Variants in CNTN4 observed in about 807,000 individuals in gnomAD.
CNTN4 encodes the protein contactin 4.
In CNTN4, 77 loss-of-function variants were observed where a neutral mutation model predicts 122.5. The observed-to-expected ratio is 0.63, with a 90% CI of 0.52 to 0.76. The LOEUF is 0.76. Among genes scored for constraint, CNTN4 ranks in the 30% least tolerant of loss-of-function variants. The pLI is 0.00. For missense variants in CNTN4, 1,256 were observed against 1,259.1 expected (o/e 1.00, Z 0.04); for synonymous variants, 512 against 447.0 (o/e 1.15, Z -1.83).
intron 4 of CNTN4, among the ~76,000 whole-genome samples, chr3:2,689,091 C>G (rs1043834918): frequency 6.6e-6 from 1 of 152,194 alleles, no homozygotes; most frequent in African/African-American, 2.4e-5. Flanking sequence ...TGTGAAACAT[C>G]ACTTCCTGAT....
chr3:2,258,948 C>G (rs2040711553), intron 2 of CNTN4, among the ~76,000 whole-genome samples: 1 of 152,080 alleles, frequency 6.6e-6, no homozygotes, highest in African/African-American at 2.4e-5. Context: ...TTACATTATT[C>G]TTTTTCATTT....
At chr3:2,923,991 C>A (rs1347593384) in intron 12 of CNTN4, among the ~76,000 whole-genome samples, 3 of 151,980 alleles carry the variant, frequency 2.0e-5, no homozygotes, top group African/African-American at 7.3e-5. Context: ...TTATTAATTG[C>A]ACTTATTATC....
chr3:2,348,585 C>G (rs1297108121), intron 3 of CNTN4, among the ~76,000 whole-genome samples: 1 of 152,100 alleles, frequency 6.6e-6, no homozygotes, highest in East Asian at 1.9e-4. Context: ...ATTTCCTTTC[C>G]TTAAACTTGA....
At chr3:2,379,126 A>G (rs746013387) in intron 3 of CNTN4, among the ~76,000 whole-genome samples, 6 of 152,216 alleles carry the variant, frequency 3.9e-5, no homozygotes, top group Non-Finnish European at 8.8e-5. Context: ...ATGGAATAAC[A>G]ACACAAGCAG....
chr3:2,842,240 A>G lies in CNTN4; in HGVS notation c.454+22659A>G, dbSNP rs553270126. Among the ~76,000 whole-genome samples, 8 of 152,328 alleles carry G rather than the reference A, an allele frequency of 5.3e-5. No individual in the cohort carries two copies. The South Asian group carries it at 8.3e-4, about 16-fold the overall frequency. On this transcript the variant is annotated intron_variant, in intron 7 of 24. Coordinates refer to ENST00000418658, the MANE Select transcript of CNTN4 (RefSeq NM_175607.3). ...AGAGAACCTTGAAACAGATGCTGCA[A>G]TAATCCAAGTAAGAGATATTGGTGT...
rs535206102 is a variant in CNTN4 at position 2,148,394 on chromosome 3, C to T, written c.-145+47755C>T. On this transcript the variant is annotated intron_variant, in intron 2 of 24. Transcript: ENST00000418658. ...ACAGAAAATAAAAAAAAAAAATTAG[C>T]CTTGGTGGTGTGTGCCTGTAGTCCC... 2.0e-5 allele frequency among the ~76,000 whole-genome samples: 3 copies of T among 151,720 alleles called. No homozygotes were observed. The South Asian group carries it at 6.3e-4, about 32-fold the overall frequency.
rs1226406768 is a variant in CNTN4 at position 3,026,242 on chromosome 3, G to C, written c.1627G>C (p.Asp543His). ...ATTTAATGGACACCTGATAGACTTT[G>C]ACAGAGATGGGGACCACTTTGAAAG... The part of the protein sequence containing the change: ...WSFNGHLIDF[D>H]RDGDHFERVG... Residue 543 changes from aspartate to histidine, a missense_variant, in exon 15 of 25, where the codon GAC (aspartate) becomes CAC (histidine). Coordinates refer to ENST00000418658, the MANE Select transcript of CNTN4 (RefSeq NM_175607.3). 2.2e-5 allele frequency: 36 copies of C among 1,613,392 alleles called. No individual in the cohort carries two copies. Among genetic ancestry groups the C allele is most frequent in the Non-Finnish European group, 2.9e-5 (34 of 1,179,556 alleles).
chr3:2,919,189 C>CA (rs72363068), intron 12 of CNTN4, among the ~76,000 whole-genome samples: 53,248 of 137,832 alleles, frequency 0.39, 10,141 homozygotes, highest in East Asian at 0.64. Flanking sequence ...ACTAAAAATA[C>CA]AAAAAAAAAA....
intron 2 of CNTN4, among the ~76,000 whole-genome samples, chr3:2,142,426 A>G (rs1365641513): frequency 1.3e-5 from 2 of 150,856 alleles, no homozygotes; most frequent in Non-Finnish European, 2.9e-5. Flanking sequence ...GTGCAATGGC[A>G]TGATCTCAGC....
chr3:2,843,663 C>T (rs2093404201), intron 7 of CNTN4, among the ~76,000 whole-genome samples: 1 of 152,168 alleles, frequency 6.6e-6, no homozygotes, highest in Non-Finnish European at 1.5e-5. Context: ...CCCCCCATCT[C>T]TTGCTCCTGC....
intron 14 of CNTN4, among the ~76,000 whole-genome samples, chr3:3,003,806 G>A (rs1696323603): frequency 1.3e-5 from 2 of 151,144 alleles, no homozygotes; most frequent in South Asian, 4.2e-4. Context: ...CTGGAGTGCA[G>A]TAGCATGATC....
At chr3:3,041,039 T>A (rs1282341658) in intron 20 of CNTN4, 1 of 152,296 alleles carries the variant, frequency 6.6e-6, no homozygotes, top group South Asian at 2.1e-4. Flanking sequence ...CACACATTAT[T>A]ATCACCTCCA....
At chr3:2,941,203 C>T (rs1216177740) in intron 13 of CNTN4, among the ~76,000 whole-genome samples, 3 of 152,146 alleles carry the variant, frequency 2.0e-5, no homozygotes, top group East Asian at 3.9e-4. Flanking sequence ...CAGACTCTCC[C>T]TTTTCTTACT....
chr3:2,480,725 G>A (rs1425433924), intron 3 of CNTN4, among the ~76,000 whole-genome samples: 4 of 152,176 alleles, frequency 2.6e-5, no homozygotes, highest in African/African-American at 7.2e-5. Flanking sequence ...CAAAATCCCA[G>A]AAAGGTATTT....
At chr3:2,889,981 C>G (rs970380858) in intron 10 of CNTN4, among the ~76,000 whole-genome samples, 2 of 152,156 alleles carry the variant, frequency 1.3e-5, no homozygotes, top group African/African-American at 4.8e-5. Flanking sequence ...AACAATGTTT[C>G]CTTTTTAAAT....
chr3:3,022,727 A>AT lies in CNTN4; in HGVS notation c.1487-3365dup, dbSNP rs537003256. 9.3e-5 allele frequency among the ~76,000 whole-genome samples: 14 copies of AT among 150,862 alleles called. No homozygotes were observed. The South Asian group carries it at 1.1e-3, about 11-fold the overall frequency. On this transcript the variant is annotated intron_variant, in intron 14 of 24. Coordinates refer to ENST00000418658, the MANE Select transcript of CNTN4 (RefSeq NM_175607.3). ...AGAAAACACTGTAGAAAGTAAAAGA[A>AT]TTTTTTTTTTAACTCTAGGAGAATT...
intron 3 of CNTN4, among the ~76,000 whole-genome samples, chr3:2,545,905 T>A (rs9835354): frequency 0.64 from 97,253 of 151,838 alleles, 31,566 homozygotes; most frequent in East Asian, 0.78. Context: ...GCTAACAACC[T>A]TATGAAAAAA....
intron 4 of CNTN4, among the ~76,000 whole-genome samples, chr3:2,638,795 C>T (rs1277645621): frequency 6.6e-6 from 1 of 152,160 alleles, no homozygotes; most frequent in Non-Finnish European, 1.5e-5. Flanking sequence ...TCATCTTTTT[C>T]ATTGCTCAGA....
At chr3:2,787,075 G>C (rs2091857289) in intron 6 of CNTN4, among the ~76,000 whole-genome samples, 1 of 152,140 alleles carries the variant, frequency 6.6e-6, no homozygotes, top group Non-Finnish European at 1.5e-5. Context: ...ACAAAAACTT[G>C]AAGGTATTTT....
Sources: gnomAD v4.1 joint callset for allele counts (sites outside exome capture counted in the v4.1 genomes callset) on GRCh38, gnomAD v4.1.1 for gene constraint, MANE v1.5 for transcripts, NCBI Gene and HGNC (gene_info 2026-07-23, HGNC 2026-07-21) for gene names.